Variants in POLN observed in about 807,000 individuals in gnomAD.
POLN encodes the protein DNA polymerase N.
A neutral mutation model predicts 113.5 loss-of-function variants in POLN; 108 were observed. The ratio of observed to expected loss-of-function variants is 0.95; its 90% CI spans 0.81 to 1.12. The LOEUF (loss-of-function observed/expected upper bound fraction) is 1.12. Among genes scored for constraint, POLN ranks in the 50% most tolerant of loss-of-function variants. The pLI is 0.00. For missense variants in POLN, 1,097 were observed against 1,077.1 expected (o/e 1.02, Z -0.26); for synonymous variants, 386 against 391.5 (o/e 0.99, Z 0.17).
chr4:2,072,656 G>A (rs1730177194), intron 25 of POLN, among the ~76,000 whole-genome samples: 1 of 152,122 alleles, frequency 6.6e-6, no homozygotes, highest in African/African-American at 2.4e-5. Context: ...GCCCCCGGGA[G>A]GATTGGTGGC....
chr4:2,160,208 C>T (rs1009754297), intron 13 of POLN, among the ~76,000 whole-genome samples: 3 of 152,200 alleles, frequency 2.0e-5, no homozygotes, highest in African/African-American at 4.8e-5. Context: ...CAGTGACTAA[C>T]GCTGTTGGAC....
At chr4:2,077,866 G>C (rs897790911) in intron 23 of POLN, among the ~76,000 whole-genome samples, 8 of 152,202 alleles carry the variant, frequency 5.3e-5, no homozygotes, top group African/African-American at 1.4e-4. Context: ...GTCTCCGTGT[G>C]GGGTGGATGA....
At chr4:2,221,510 A>G (rs767925863) in intron 3 of POLN, among the ~76,000 whole-genome samples, 1 of 152,152 alleles carries the variant, frequency 6.6e-6, no homozygotes, top group Non-Finnish European at 1.5e-5. Context: ...ATACAGATTC[A>G]CTAAATTGTG....
At position 2,154,057 on chromosome 4, in the gene POLN, G is replaced by C. The variant is rs1732360569; in HGVS notation, c.1731+2731C>G. ...CTAAGAATACAAAAAAATTAGCCGG[G>C]CGTGGTGGCGGGTGCCTGTAGTCCT... On this transcript the variant is annotated intron_variant, in intron 16 of 25. Coordinates refer to ENST00000511885, the MANE Select transcript of POLN (RefSeq NM_181808.4). 2.0e-5 allele frequency among the ~76,000 whole-genome samples: 3 copies of C among 151,186 alleles called. No individual in the cohort carries two copies. In the South Asian group the frequency reaches 6.3e-4, roughly 32 times the overall value.
At chr4:2,238,819 T>C (rs769766992) in intron 2 of POLN, 48 of 1,613,330 alleles carry the variant, frequency 3.0e-5, no homozygotes, top group Non-Finnish European at 4.0e-5. Context: ...CCTTTTGTTT[T>C]ATTAATTGAT....
rs539982923 is a variant in POLN at position 2,133,049 on chromosome 4, T to C, written c.1732-1759A>G. Among the ~76,000 whole-genome samples the C allele has an allele frequency of 1.3e-4, 19 of 151,720 alleles. No individual in the cohort carries two copies. The East Asian group carries it at 3.5e-3, about 28-fold the overall frequency. On this transcript the variant is annotated intron_variant, in intron 16 of 25. Coordinates refer to ENST00000511885, the MANE Select transcript of POLN (RefSeq NM_181808.4). Reference sequence around the variant, plus strand: ...GGCTGGGCACAGTGGATCCCACCTGTAATCCCAGCACTTTGGGAACCCAAG... The same window carrying C: ...GGCTGGGCACAGTGGATCCCACCTGCAATCCCAGCACTTTGGGAACCCAAG...
At chr4:2,224,874 T>C (rs1734344726) in intron 3 of POLN, among the ~76,000 whole-genome samples, 2 of 151,628 alleles carry the variant, frequency 1.3e-5, no homozygotes, top group Admixed American at 1.3e-4. Flanking sequence ...TCACTTGAAC[T>C]GGGAGGTGGA....
chr4:2,174,093 T>C, intron 10 of POLN, 74 bp from the exon 11 acceptor site: 3 of 1,411,264 alleles, frequency 2.1e-6, no homozygotes, highest in Non-Finnish European at 3.0e-6. Context: ...AATGCTTCGC[T>C]CCCTGATGAG....
At chr4:2,159,799 G>A (rs1732532822) in intron 13 of POLN, among the ~76,000 whole-genome samples, 1 of 152,040 alleles carries the variant, frequency 6.6e-6, no homozygotes, top group African/African-American at 2.4e-5. Flanking sequence ...TCATTTTTTG[G>A]GGTTCATCAA....
intron 19 of POLN, among the ~76,000 whole-genome samples, chr4:2,125,934 C>A (rs1731567779): frequency 6.6e-6 from 1 of 152,120 alleles, no homozygotes; most frequent in Non-Finnish European, 1.5e-5. Context: ...AGCTTGGAGT[C>A]CTAGAGTGGG....
intron 3 of POLN, among the ~76,000 whole-genome samples, chr4:2,226,264 C>T (rs754648173): frequency 1.3e-5 from 2 of 152,220 alleles, no homozygotes; most frequent in African/African-American, 2.4e-5. Flanking sequence ...TGACAGGCAC[C>T]TGGCCACTTG....
chr4:2,179,433 C>T lies in POLN; in HGVS notation c.1054G>A (p.Ala352Thr). Residue 352 changes from alanine to threonine, a missense_variant, in exon 8 of 26, where the codon GCT (alanine) becomes ACT (threonine). By Grantham distance (58) the Ala-to-Thr change is moderately conservative. Transcript: ENST00000511885. Reference sequence around the variant, plus strand: ...TCACTAGGATCTATAAGCCATGCAGCAATTCTGGGATCTAGCCCTATAAAA... The same window carrying T: ...TCACTAGGATCTATAAGCCATGCAGTAATTCTGGGATCTAGCCCTATAAAA... ...ADFIGLDPRI[A>T]AWLIDPSDAT... 1 of 1,613,990 alleles carries T rather than the reference C, an allele frequency of 6.2e-7. No homozygotes were observed. Among genetic ancestry groups the T allele is most frequent in the Non-Finnish European group, 8.5e-7 (1 of 1,179,934 alleles).
chr4:2,194,952 A>G (rs1280139684), intron 6 of POLN, among the ~76,000 whole-genome samples: 1 of 151,542 alleles, frequency 6.6e-6, no homozygotes, highest in Non-Finnish European at 1.5e-5. Flanking sequence ...ATACATATAT[A>G]TATTTATATA....
At chr4:2,081,829 C>A (rs1335534536) in intron 21 of POLN, 86 bp from the exon 22 acceptor site, 6 of 1,131,688 alleles carry the variant, frequency 5.3e-6, no homozygotes, top group Non-Finnish European at 7.9e-6. Context: ...CCAGAGGCCA[C>A]AGAGGGACAG....
At chr4:2,104,200 A>G (rs1293223897) in intron 19 of POLN, among the ~76,000 whole-genome samples, 2 of 152,270 alleles carry the variant, frequency 1.3e-5, no homozygotes, top group Non-Finnish European at 2.9e-5. Flanking sequence ...AACCTCACAT[A>G]TCAACATTAA....
At chr4:2,086,070 A>C (rs2108692831) in intron 20 of POLN, among the ~76,000 whole-genome samples, 1 of 152,284 alleles carries the variant, frequency 6.6e-6, no homozygotes, top group East Asian at 1.9e-4. Flanking sequence ...GGCACAGAGG[A>C]AAAGAGGAAG....
At chr4:2,077,795 AG>A (rs1355655144) in intron 23 of POLN, among the ~76,000 whole-genome samples, 1 of 152,226 alleles carries the variant, frequency 6.6e-6, no homozygotes, top group African/African-American at 2.4e-5. Flanking sequence ...GCAGCCACTG[AG>A]ACATGACCGC....
In POLN at chr4:2,218,061, A is replaced by T. The variant is rs539094006; in HGVS notation, c.134-4935T>A. Among the ~76,000 whole-genome samples the T allele has an allele frequency of 1.1e-3, 168 of 152,326 alleles. 2 individuals carry two copies. Among genetic ancestry groups the T allele is most frequent in the South Asian group, 6.2e-4 (3 of 4,824 alleles). On this transcript the variant is annotated intron_variant, in intron 3 of 25. Transcript: ENST00000511885. Reference sequence around the variant, plus strand: ...TCCCAGCTACTCGGGAGACTGAAGCAGATCACTTTGACCCCAAGAGTTTGA... The same window carrying T: ...TCCCAGCTACTCGGGAGACTGAAGCTGATCACTTTGACCCCAAGAGTTTGA...
chr4:2,135,820 G>A (rs534475932), intron 16 of POLN, among the ~76,000 whole-genome samples: 4 of 152,292 alleles, frequency 2.6e-5, no homozygotes, highest in African/African-American at 9.6e-5. Context: ...AGCGGCTGCC[G>A]TCACAGACCA....
Sources: gnomAD v4.1 joint callset for allele counts (sites outside exome capture counted in the v4.1 genomes callset) on GRCh38, gnomAD v4.1.1 for gene constraint, MANE v1.5 for transcripts, NCBI Gene and HGNC (gene_info 2026-07-23, HGNC 2026-07-21) for gene names.